Variants in SPOCK2 observed in about 807,000 individuals in gnomAD.
SPOCK2 encodes the protein testican-2.
Under a neutral mutation model 60.1 loss-of-function variants are expected in SPOCK2, and 39 were observed. The ratio of observed to expected loss-of-function variants is 0.65; its 90% CI spans 0.50 to 0.85. SPOCK2 has a LOEUF of 0.85. Ranked by LOEUF, SPOCK2 falls within the 40% of genes least tolerant of loss-of-function variation. The probability of loss-of-function intolerance (pLI) is 0.00; values close to 1 mark genes in which losing one functional copy is unlikely to be tolerated. For synonymous variants in SPOCK2, 217 were observed against 231.5 expected, an observed-to-expected ratio of 0.94 and a Z score of 0.57; for missense variants, 523 against 567.4, an observed-to-expected ratio of 0.92 and a Z score of 0.80.
At chr10:72,073,208 C>T (rs1840673002) in intron 1 of SPOCK2, among the ~76,000 whole-genome samples, 2 of 152,216 alleles carry the variant, frequency 1.3e-5, no homozygotes, top group African/African-American at 4.8e-5. Flanking sequence ...AGCCCCACCA[C>T]CAGGACAGAT....
Position 72,087,052 on chromosome 10 carries a change from G to A in SPOCK2, c.189+1088C>T, listed in dbSNP as rs1840868132. On this transcript the variant is annotated intron_variant, in intron 1 of 10. Coordinates refer to ENST00000373109, the MANE Select transcript of SPOCK2 (RefSeq NM_001244950.2). The surrounding 1 kb of genome is among the most constrained non-coding windows in gnomAD (Gnocchi z 4.7). ...AGAGGTTTTCTGGGGTCAGGGCCGC[G>A]GTGAGCACCAGGTCGCCAGGAGCAG... The A allele has an allele frequency of 1.3e-6, 2 of 1,527,432 alleles. No individual in the cohort carries two copies. The highest frequency in any genetic ancestry group is 4.1e-5 in the Admixed American group (2 of 48,358). 94.6% of individuals were successfully genotyped at this position (1,527,432 alleles called of 1,614,324 possible).
rs763874585 is a variant in SPOCK2 at position 72,072,197 on chromosome 10, A to G, written c.306T>C (p.Ile102=). The G allele has an allele frequency of 1.9e-6, 3 of 1,561,098 alleles. No homozygotes were observed. The highest frequency in any genetic ancestry group is 3.9e-5 in the Admixed American group (2 of 51,894). ...ACATGGCCCGCTGGTAGCCCTGGGC[A>G]ATGCACACCTTGTGGCGGCTGCACT... is the stretch of plus-strand genomic sequence containing the variant. ...KVKCSRHKVC[I]AQGYQRAMCI... is the part of the protein sequence containing the mutation. Residue 102 remains isoleucine (I), a synonymous_variant, in exon 4 of 11, where the codon ATT becomes ATC. Transcript: ENST00000373109.
At chr10:72,086,341 T>A in intron 1 of SPOCK2, 8 of 996,590 alleles carry the variant, frequency 8.0e-6, no homozygotes, top group Non-Finnish European at 9.6e-6. Context: ...AAGTCATTTA[T>A]TCTCACCCAC....
rs1047747052 is a variant in SPOCK2 at position 72,061,267 on chromosome 10, G to A, written c.*1493C>T. On this transcript the variant is annotated 3_prime_UTR_variant, in exon 11 of 11. Coordinates refer to ENST00000373109, the MANE Select transcript of SPOCK2 (RefSeq NM_001244950.2). ...TGCTCAGGGGATGTTGGGGAACAGCGAGGTGTGAGGTGTGGCCTCAGAGCC... is the reference window on the plus strand; with the variant it reads ...TGCTCAGGGGATGTTGGGGAACAGCAAGGTGTGAGGTGTGGCCTCAGAGCC... The A allele has an allele frequency of 6.6e-6, 1 of 152,318 alleles. No individual in the cohort carries two copies. The highest frequency in any genetic ancestry group is 1.5e-5 in the Non-Finnish European group (1 of 68,118). 9.4% of individuals were successfully genotyped at this position (152,318 alleles called of 1,614,324 possible). A position where few individuals can be genotyped will look rare whatever the true frequency, so the allele number is the denominator to read the frequency against.
chr10:72,086,973 G>A (rs1203591882), intron 1 of SPOCK2: 4 of 1,551,648 alleles, frequency 2.6e-6, no homozygotes, highest in Admixed American at 2.0e-5. Context: ...CGTTGTACTG[G>A]GTGGGTCGGA....
chr10:72,064,384 G>A (rs1840539639), intron 8 of SPOCK2, 144 bp from the exon 9 acceptor site: 1 of 887,376 alleles, frequency 1.1e-6, no homozygotes, highest in South Asian at 1.9e-5. Flanking sequence ...CCACAGCAGG[G>A]GTGGGAAGTA....
chr10:72,076,649 G>C (rs1260770691), intron 1 of SPOCK2, among the ~76,000 whole-genome samples: 1 of 152,332 alleles, frequency 6.6e-6, no homozygotes, highest in African/African-American at 2.4e-5. Flanking sequence ...GAACTCCTGG[G>C]CTCAGGCAGT....
intron 9 of SPOCK2, among the ~76,000 whole-genome samples, chr10:72,063,790 T>G (rs1301790151): frequency 6.6e-6 from 1 of 152,162 alleles, no homozygotes; most frequent in Non-Finnish European, 1.5e-5. Context: ...CTGTTGTATC[T>G]CTGGGGCCGG....
At chr10:72,083,317 T>A (rs1287870403) in intron 1 of SPOCK2, among the ~76,000 whole-genome samples, 1 of 152,226 alleles carries the variant, frequency 6.6e-6, no homozygotes, top group East Asian at 1.9e-4. Flanking sequence ...GCCAGGCTCT[T>A]CCTGGAGTGA....
At chr10:72,067,342 G>T (rs72658784) in intron 7 of SPOCK2, among the ~76,000 whole-genome samples, 17,835 of 152,158 alleles carry the variant, frequency 0.12, 2,340 homozygotes, top group African/African-American at 0.31. Flanking sequence ...TGAAAGCCCT[G>T]CAGGGAAAAG....
Position 72,088,454 on chromosome 10 carries a change from G to A in SPOCK2, c.-126C>T, listed in dbSNP as rs1490478243. 22 of 1,158,574 alleles carry A rather than the reference G, an allele frequency of 1.9e-5. No individual in the cohort carries two copies. Among genetic ancestry groups the A allele is most frequent in the Non-Finnish European group, 2.4e-5 (20 of 850,690 alleles). The allele number at this position is 1,158,574 out of a possible 1,614,324, so 71.8% of individuals were successfully genotyped here. ...TCTCCTCCCGCGGTCTGCCTCCGGT[G>A]ACTGGCGGAGAGTGGGTCGCGGCTG... On this transcript the variant is annotated 5_prime_UTR_variant, in exon 1 of 11. Transcript: ENST00000373109.
At chr10:72,073,000 T>G in intron 1 of SPOCK2, 90 bp from the exon 2 acceptor site, 3 of 1,538,300 alleles carry the variant, frequency 2.0e-6, no homozygotes, top group Non-Finnish European at 2.6e-6. Context: ...GGCCCTCTGG[T>G]GTTCCTGGGG....
chr10:72,061,821 G>C lies in SPOCK2; in HGVS notation c.*939C>G, dbSNP rs1247015108. 3 of 152,556 alleles carry C rather than the reference G, an allele frequency of 2.0e-5. No individual in the cohort carries two copies. Among genetic ancestry groups the C allele is most frequent in the Non-Finnish European group, 4.4e-5 (3 of 68,264 alleles). 9.5% of individuals were successfully genotyped at this position (152,556 alleles called of 1,614,324 possible). ...CACGAGACCCAGAGAAAAGGGACAG[G>C]CTATTCCAGGGTCTAGGATTCAGAG... On this transcript the variant is annotated 3_prime_UTR_variant, in exon 11 of 11. Transcript: ENST00000373109.
chr10:72,080,280 C>T (rs1181812473), intron 1 of SPOCK2, among the ~76,000 whole-genome samples: 1 of 152,176 alleles, frequency 6.6e-6, no homozygotes, highest in Admixed American at 6.5e-5. Flanking sequence ...TTTAATAGAT[C>T]AAGAATCTCT....
chr10:72,077,558 A>T (rs1430912074), intron 1 of SPOCK2, among the ~76,000 whole-genome samples: 2 of 152,202 alleles, frequency 1.3e-5, no homozygotes, highest in African/African-American at 2.4e-5. Context: ...CCACTGGGCC[A>T]GCCATCAGGC....
At chr10:72,074,971 T>C (rs1732861975) in intron 1 of SPOCK2, among the ~76,000 whole-genome samples, 2 of 151,972 alleles carry the variant, frequency 1.3e-5, no homozygotes, top group Admixed American at 6.5e-5. Context: ...GGGTGCTTCC[T>C]GGGAGCCTGT....
Position 72,072,184 on chromosome 10 carries a change from G to T in SPOCK2, c.319C>A (p.Gln107Lys). 1 of 1,552,640 alleles carries T rather than the reference G, an allele frequency of 6.4e-7. No individual in the cohort carries two copies. The highest frequency in any genetic ancestry group is 2.4e-5 in the East Asian group (1 of 42,156). Residue 107 changes from glutamine (Q) to lysine (K), a missense_variant, in exon 4 of 11, where the codon CAG becomes AAG. Transcript: ENST00000373109. The part of the protein sequence containing the change: ...RHKVCIAQGY[Q>K]RAMCISRKKL... ...TTGCGACTGATGCACATGGCCCGCT[G>T]GTAGCCCTGGGCAATGCACACCTTG...
chr10:72,073,339 C>A (rs1840674645), intron 1 of SPOCK2, among the ~76,000 whole-genome samples: 1 of 152,216 alleles, frequency 6.6e-6, no homozygotes. Flanking sequence ...CCTTGTCAGT[C>A]CCCACTCCTG....
At chr10:72,065,642 T>C (rs1840558301) in intron 8 of SPOCK2, among the ~76,000 whole-genome samples, 2 of 152,138 alleles carry the variant, frequency 1.3e-5, no homozygotes, top group African/African-American at 4.8e-5. Context: ...GCCTGCCTGG[T>C]TGTAAAATGA....
Sources: allele counts gnomAD v4.1 joint callset (sites outside exome capture counted in the v4.1 genomes callset), GRCh38; gene constraint gnomAD v4.1.1; non-coding constraint Gnocchi (gnomAD v3.1); transcripts MANE v1.5; gene names NCBI Gene and HGNC (gene_info 2026-07-23, HGNC 2026-07-21).